The following KCNJ14 variants were observed in gnomAD, a reference collection of about 807,000 sequenced individuals.
KCNJ14 encodes ATP-sensitive inward rectifier potassium channel 14.
Under a neutral mutation model 24.5 loss-of-function variants are expected in KCNJ14, and 18 were observed. The observed-to-expected ratio is 0.74, with a 90% CI of 0.51 to 1.09. The LOEUF is 1.09. Among genes scored for constraint, KCNJ14 ranks in the 50% least tolerant of loss-of-function variants. The pLI, the probability that KCNJ14 is intolerant of heterozygous loss-of-function variation, is 0.00. For missense variants in KCNJ14, 633 were observed against 623.0 expected (o/e 1.02, Z -0.17); for synonymous variants, 288 against 270.8 (o/e 1.06, Z -0.63).
rs1262120688 is a variant in KCNJ14, at chr19:48,466,168, C to T, written c.*1391C>T. On this transcript the variant is annotated 3_prime_UTR_variant, in exon 3 of 3. Transcript: ENST00000342291. ...GATCTCAGCTCACTGCAACCTCCGC[C>T]TCCCGGCTTCAAGTGTTTCTCCTGC... 1 of 151,902 alleles carries T rather than the reference C, an allele frequency of 6.6e-6. No individual in the cohort carries two copies. The highest frequency in any genetic ancestry group is 2.4e-5 in the African/African-American group (1 of 41,362). The allele number at this position is 151,902 out of a possible 1,614,324, so 9.4% of individuals were successfully genotyped here.
Position 48,461,831 on chromosome 19 carries a change from G to T in KCNJ14, c.107G>T (p.Trp36Leu). 6.6e-7 allele frequency: 1 copy of T among 1,509,330 alleles called. No individual in the cohort carries two copies. 93.5% of individuals were successfully genotyped at this position (1,509,330 alleles called of 1,614,324 possible). Residue 36 changes from tryptophan (W) to leucine (L), a missense_variant, in exon 2 of 3, where the codon TGG (tryptophan) becomes TTG (leucine). Trp to Leu is a moderately conservative substitution (Grantham distance 61). Transcript: ENST00000342291. ...EAGPGLCRNG[W>L]APAPVQSPVG... Reference sequence around the variant, plus strand: ...GGGCCCGGGTTGTGCCGCAACGGGTGGGCGCCGGCACCGGTGCAGTCACCC... The same window carrying T: ...GGGCCCGGGTTGTGCCGCAACGGGTTGGCGCCGGCACCGGTGCAGTCACCC...
intron 1 of KCNJ14, among the ~76,000 whole-genome samples, chr19:48,457,550 C>T (rs1015218987): frequency 2.0e-5 from 3 of 152,286 alleles, no homozygotes; most frequent in African/African-American, 2.4e-5. Context: ...ATCAGAGGGT[C>T]GGGCATGAGG....
chr19:48,462,092 C>T lies in KCNJ14; in HGVS notation c.368C>T (p.Pro123Leu), dbSNP rs1971606586. The change falls in exon 2 of 3, where the codon CCG (proline) becomes CTG (leucine). Residue 123 changes from proline to leucine, a missense_variant. Transcript: ENST00000342291. The surrounding 1 kb of genome is among the most constrained non-coding windows in gnomAD (Gnocchi z 4.9). Reference sequence around the variant, plus strand: ...CACGGCGACCTGGCCGCCCCGCCACCGCCCGCGCCCTGCTTCTCACACGTG... The same window carrying T: ...CACGGCGACCTGGCCGCCCCGCCACTGCCCGCGCCCTGCTTCTCACACGTG... ...SLHGDLAAPPPPAPCFSHVAS... is the reference protein window; with the variant it reads ...SLHGDLAAPPLPAPCFSHVAS... 6.2e-7 allele frequency: 1 copy of T among 1,602,324 alleles called. No homozygotes were observed. Among genetic ancestry groups the T allele is most frequent in the Non-Finnish European group, 8.5e-7 (1 of 1,176,266 alleles).
chr19:48,457,771 G>A (rs922712416), intron 1 of KCNJ14, among the ~76,000 whole-genome samples: 2 of 152,014 alleles, frequency 1.3e-5, no homozygotes, highest in African/African-American at 4.8e-5. Context: ...TCCACCTCCC[G>A]GGTTCAAGTG....
intron 2 of KCNJ14, 133 bp from the exon 3 acceptor site, chr19:48,464,048 G>C (rs1220524877): frequency 1.4e-6 from 1 of 693,124 alleles, no homozygotes; most frequent in Non-Finnish European, 2.5e-6. Flanking sequence ...CCCATCTCTT[G>C]ATCTGTGTTC....
chr19:48,463,783 C>T (rs1971626538), intron 2 of KCNJ14, among the ~76,000 whole-genome samples: 1 of 152,198 alleles, frequency 6.6e-6, no homozygotes, highest in South Asian at 2.1e-4. Flanking sequence ...TTGATTTCAT[C>T]TCTGTCTTGC....
At chr19:48,457,264 C>A (rs1971549420) in intron 1 of KCNJ14, among the ~76,000 whole-genome samples, 1 of 152,182 alleles carries the variant, frequency 6.6e-6, no homozygotes, top group African/African-American at 2.4e-5. Context: ...GTGTGAGCCA[C>A]CATGCCCAGC....
chr19:48,464,154 T>C (rs2147495394), intron 2 of KCNJ14, 27 bp from the exon 3 acceptor site: 1 of 1,532,610 alleles, frequency 6.5e-7, no homozygotes, highest in Non-Finnish European at 9.0e-7. Flanking sequence ...CTCCCTGCTG[T>C]CTTTGGCTCC....
At chr19:48,456,480 A>G (rs1219571083) in intron 1 of KCNJ14, 1 of 152,206 alleles carries the variant, frequency 6.6e-6, no homozygotes, top group Non-Finnish European at 1.5e-5. Flanking sequence ...AAGTGGGCCT[A>G]ATGAACCCTC....
intron 1 of KCNJ14, among the ~76,000 whole-genome samples, chr19:48,458,305 G>A (rs1426790020): frequency 2.6e-5 from 4 of 152,214 alleles, no homozygotes; most frequent in Non-Finnish European, 2.9e-5. Context: ...ATTCCCCACA[G>A]CAGTGTATGA....
intron 1 of KCNJ14, 120 bp from the exon 2 acceptor site, chr19:48,461,550 A>AAAAAAAAAAAAGAAAAAAAAAAAAAG (rs370425889): frequency 2.9e-6 from 1 of 346,458 alleles, no homozygotes; most frequent in African/African-American, 3.1e-5. Context: ...AAAAAAAAAA[A>AAAAAAAAAAAAGAAAAAAAAAAAAAG]TGCGTATCGT....
Position 48,460,934 on chromosome 19 carries a change from C to A in KCNJ14, c.-55-736C>A, listed in dbSNP as rs1971587139. ...ACTTGGGAGGTTGAGGAGGGAAGAT[C>A]GCTTGAGGCCAGGAGTTTGAGACCA... On this transcript the variant is annotated intron_variant, in intron 1 of 2. Transcript: ENST00000342291. Among the ~76,000 whole-genome samples, 4 of 151,434 alleles carry A rather than the reference C, an allele frequency of 2.6e-5. No homozygotes were observed. In the South Asian group the frequency reaches 6.3e-4, roughly 24 times the overall value.
intron 1 of KCNJ14, among the ~76,000 whole-genome samples, chr19:48,459,006 C>T (rs893961347): frequency 8.1e-5 from 12 of 148,660 alleles, no homozygotes; most frequent in African/African-American, 1.2e-4. Context: ...TTTGGGAGGC[C>T]GAGACAGGCG....
At chr19:48,461,144 C>T (rs1014848361) in intron 1 of KCNJ14, 1 of 151,940 alleles carries the variant, frequency 6.6e-6, no homozygotes, top group African/African-American at 2.4e-5. Context: ...CATGGTGAAA[C>T]CCCATCTCTA....
At position 48,462,350 on chromosome 19, in the gene KCNJ14, G is replaced by T; in HGVS notation, c.626G>T (p.Arg209Leu). 6.5e-7 allele frequency: 1 copy of T among 1,543,766 alleles called. No homozygotes were observed. The highest frequency in any genetic ancestry group is 8.8e-7 in the Non-Finnish European group (1 of 1,140,746). ...VFSENAVVALRDHRLCLMWRV... is the reference protein window; with the variant it reads ...VFSENAVVALLDHRLCLMWRV... ...AGCGAGAACGCCGTCGTGGCGCTGC[G>T]CGACCACCGCCTCTGCCTCATGTGG... The change falls in exon 2 of 3, where the codon CGC becomes CTC. Residue 209 changes from arginine (R) to leucine (L), a missense_variant. Coordinates refer to ENST00000342291, the MANE Select transcript of KCNJ14 (RefSeq NM_013348.4). The surrounding 1 kb of genome is among the most constrained non-coding windows in gnomAD (Gnocchi z 4.9).
chr19:48,464,546 C>G lies in KCNJ14; in HGVS notation c.1080C>G (p.Val360=). 1 of 1,614,154 alleles carries G rather than the reference C, an allele frequency of 6.2e-7. No individual in the cohort carries two copies. The highest frequency in any genetic ancestry group is 1.3e-5 in the African/African-American group (1 of 75,044). Residue 360 remains valine (V), a synonymous_variant, in exon 3 of 3, where the codon GTC becomes GTG. Transcript: ENST00000342291. ...HRTYEVPGTP[V]CSAKELDERA... ...CTTATGAGGTCCCAGGGACACCGGT[C>G]TGCAGTGCTAAGGAGCTGGATGAAC... is the stretch of plus-strand genomic sequence containing the variant.
chr19:48,463,369 C>T (rs1321731205), intron 2 of KCNJ14, among the ~76,000 whole-genome samples: 1 of 152,138 alleles, frequency 6.6e-6, no homozygotes, highest in Non-Finnish European at 1.5e-5. Context: ...TAGATGCCCA[C>T]CTCCCACTTC....
At chr19:48,457,429 A>G (rs1040210996) in intron 1 of KCNJ14, among the ~76,000 whole-genome samples, 4 of 152,236 alleles carry the variant, frequency 2.6e-5, no homozygotes, top group African/African-American at 9.6e-5. Context: ...CAACTAAGCC[A>G]GGACTGGGCC....
Position 48,464,980 on chromosome 19 carries a change from C to T in KCNJ14, c.*203C>T. On this transcript the variant is annotated 3_prime_UTR_variant, in exon 3 of 3. Transcript: ENST00000342291. ...CTTAATTCCTCTGCTTCTGTGCTCCCTCCTGAGAACCCTTTATGAGCCTGA... is the reference window on the plus strand; with the variant it reads ...CTTAATTCCTCTGCTTCTGTGCTCCTTCCTGAGAACCCTTTATGAGCCTGA... The T allele has an allele frequency of 1.7e-6, 1 of 581,218 alleles. No homozygotes were observed. Among genetic ancestry groups the T allele is most frequent in the Non-Finnish European group, 3.1e-6 (1 of 326,236 alleles). The allele number at this position is 581,218 out of a possible 1,614,324, so 36.0% of individuals were successfully genotyped here. A position where few individuals can be genotyped will look rare whatever the true frequency, so the allele number is the denominator to read the frequency against.
Sources: allele counts gnomAD v4.1 joint callset (sites outside exome capture counted in the v4.1 genomes callset), GRCh38; gene constraint gnomAD v4.1.1; non-coding constraint Gnocchi (gnomAD v3.1); transcripts MANE v1.5; gene names NCBI Gene and HGNC (gene_info 2026-07-23, HGNC 2026-07-21).